The following UBAP1 variants were observed in gnomAD, a reference collection of about 807,000 sequenced individuals.
UBAP1 encodes ubiquitin associated protein 1.
A neutral mutation model predicts 39.0 loss-of-function variants in UBAP1; 5 were observed. The ratio of observed to expected loss-of-function variants is 0.13; its 90% CI spans 0.07 to 0.27. The LOEUF (loss-of-function observed/expected upper bound fraction) is 0.27. Among genes scored for constraint, UBAP1 ranks in the 10% least tolerant of loss-of-function variants. UBAP1 has a pLI of 1.00. For missense variants in UBAP1, 490 were observed against 608.1 expected (o/e 0.81, Z 2.04); for synonymous variants, 211 against 225.1 (o/e 0.94, Z 0.56).
chr9:34,239,041 A>G (rs1833834590), intron 3 of UBAP1, among the ~76,000 whole-genome samples: 1 of 152,168 alleles, frequency 6.6e-6, no homozygotes, highest in African/African-American at 2.4e-5. Flanking sequence ...TTGTTCTCTA[A>G]TGCACAAAGC....
At chr9:34,246,926 T>C (rs928720980) in intron 4 of UBAP1, among the ~76,000 whole-genome samples, 6 of 152,256 alleles carry the variant, frequency 3.9e-5, no homozygotes, top group South Asian at 2.1e-4. Flanking sequence ...GTTACAAATA[T>C]GGAGCACTTC....
intron 1 of UBAP1, among the ~76,000 whole-genome samples, chr9:34,208,276 GT>G (rs763758486): frequency 1.4e-4 from 21 of 151,922 alleles, no homozygotes; most frequent in Non-Finnish European, 2.1e-4. Flanking sequence ...TTTTTCCGAA[GT>G]TTTTTGGCAC....
chr9:34,226,697 A>G (rs181652350), intron 2 of UBAP1, among the ~76,000 whole-genome samples: 44 of 151,926 alleles, frequency 2.9e-4, no homozygotes, highest in Admixed American at 1.5e-3. Context: ...ATTGTTCCAG[A>G]TATCTCTTAA....
At chr9:34,180,890 A>T (rs1026064563) in intron 1 of UBAP1, among the ~76,000 whole-genome samples, 1 of 150,620 alleles carries the variant, frequency 6.6e-6, no homozygotes, top group African/African-American at 2.4e-5. Flanking sequence ...GGCTTGCTGC[A>T]ACCTCCGCCT....
chr9:34,251,327 T>C, intron 6 of UBAP1, 65 bp from the exon 7 acceptor site: 1 of 1,552,224 alleles, frequency 6.4e-7, no homozygotes, highest in South Asian at 1.2e-5. Flanking sequence ...ACACACACAC[T>C]CCTTCACTCA....
In UBAP1 at chr9:34,247,708, A is replaced by C. The variant is rs1302147800; in HGVS notation, c.1084-2071A>C. On this transcript the variant is annotated intron_variant, in intron 4 of 6. Transcript: ENST00000297661. ...AAAGTGCTGGGATTACAGGTGTGAG[A>C]CACCTCACCCGCTGTTTTTTCACTT... Among the ~76,000 whole-genome samples, 3 of 151,810 alleles carry C rather than the reference A, an allele frequency of 2.0e-5. No individual in the cohort carries two copies. In the East Asian group the frequency reaches 5.8e-4, roughly 30 times the overall value.
chr9:34,213,681 C>T (rs1254006982), intron 1 of UBAP1, among the ~76,000 whole-genome samples: 1 of 151,974 alleles, frequency 6.6e-6, no homozygotes, highest in Non-Finnish European at 1.5e-5. Flanking sequence ...AACATTCAGA[C>T]AAGGGAAAGA....
chr9:34,187,861 G>A (rs1830490898), intron 1 of UBAP1, among the ~76,000 whole-genome samples: 1 of 149,660 alleles, frequency 6.7e-6, no homozygotes, highest in African/African-American at 2.5e-5. Context: ...CCAGTTCCTT[G>A]GACTTGTGTG....
At chr9:34,202,026 T>C (rs1418119309) in intron 1 of UBAP1, among the ~76,000 whole-genome samples, 1 of 152,174 alleles carries the variant, frequency 6.6e-6, no homozygotes. Context: ...TGACTTTCCA[T>C]ATCCTCCCTG....
At position 34,250,663 on chromosome 9, in the gene UBAP1, C is replaced by T. The variant is rs189231772; in HGVS notation, c.1272C>T (p.Leu424=). ...CCCCTTGTTTCTTTTCTTAGATTCT[C>T]GACTATCTCTTTGCACATGGACAGC... The part of the protein sequence containing the change: ...KKKGENIEQI[L]DYLFAHGQLC... The change falls in exon 6 of 7, where the codon CTC becomes CTT. Residue 424 remains leucine (L), a synonymous_variant. Transcript: ENST00000297661. 13 of 1,612,382 alleles carry T rather than the reference C, an allele frequency of 8.1e-6. No individual in the cohort carries two copies. The highest frequency in any genetic ancestry group is 5.0e-5 in the Admixed American group (3 of 59,852).
intron 1 of UBAP1, among the ~76,000 whole-genome samples, chr9:34,194,359 G>A (rs1192728853): frequency 6.7e-6 from 1 of 149,426 alleles, no homozygotes; most frequent in African/African-American, 2.5e-5. Flanking sequence ...CTGTTGCCCT[G>A]GCTGGAGTGC....
chr9:34,196,184 G>A (rs1173468663), intron 1 of UBAP1, among the ~76,000 whole-genome samples: 1 of 151,456 alleles, frequency 6.6e-6, no homozygotes, highest in Non-Finnish European at 1.5e-5. Flanking sequence ...TGACTCCTAG[G>A]CTGGAGTGCA....
chr9:34,228,686 C>T (rs1833244191), intron 2 of UBAP1, among the ~76,000 whole-genome samples: 1 of 149,996 alleles, frequency 6.7e-6, no homozygotes. Flanking sequence ...CCTCCTGCCT[C>T]AGTTTCCCGA....
intron 1 of UBAP1, among the ~76,000 whole-genome samples, chr9:34,182,652 TTTCTTTCTTTCTTTCTTTC>T (rs1448349348): frequency 3.2e-5 from 2 of 63,344 alleles, no homozygotes; most frequent in Admixed American, 2.0e-4. Context: ...TCTTTCTTTC[TTTCTTTCTTTCTTTCTTTC>T]TTTCTTTCTT....
At chr9:34,226,230 G>GT (rs750656542) in intron 2 of UBAP1, among the ~76,000 whole-genome samples, 12,296 of 111,908 alleles carry the variant, frequency 0.11, 1,333 homozygotes, top group Non-Finnish European at 0.15. Context: ...CCCGTTTCTT[G>GT]TTTTTTTTTT....
chr9:34,243,164 G>A (rs1346137099), intron 4 of UBAP1, among the ~76,000 whole-genome samples: 1 of 152,176 alleles, frequency 6.6e-6, no homozygotes, highest in Non-Finnish European at 1.5e-5. Flanking sequence ...GCTCTGGTCA[G>A]CACTGTACTT....
At chr9:34,202,667 G>A (rs888145945) in intron 1 of UBAP1, among the ~76,000 whole-genome samples, 1 of 146,554 alleles carries the variant, frequency 6.8e-6, no homozygotes, top group Non-Finnish European at 1.5e-5. Context: ...GTGTGTGTGT[G>A]TGTGTGTGTG....
chr9:34,236,801 C>G (rs746153595), intron 3 of UBAP1, among the ~76,000 whole-genome samples: 3 of 151,904 alleles, frequency 2.0e-5, no homozygotes, highest in Admixed American at 1.3e-4. Context: ...TTTAAATTGT[C>G]ACATCCCTTT....
At chr9:34,194,419 A>G (rs896611482) in intron 1 of UBAP1, among the ~76,000 whole-genome samples, 3 of 151,158 alleles carry the variant, frequency 2.0e-5, no homozygotes, top group Non-Finnish European at 2.9e-5. Context: ...GGTTCACGCC[A>G]TTCTCCTGCC....
Sources: gnomAD v4.1 joint callset for allele counts (sites outside exome capture counted in the v4.1 genomes callset) on GRCh38, gnomAD v4.1.1 for gene constraint, MANE v1.5 for transcripts, NCBI Gene and HGNC (gene_info 2026-07-23, HGNC 2026-07-21) for gene names.